SLC16A7: variants seen among roughly 807,000 people sequenced by gnomAD.
SLC16A7 encodes solute carrier family 16 member 7, also known as monocarboxylate transporter 2.
Under a neutral mutation model 34.9 loss-of-function variants are expected in SLC16A7, and 33 were observed. That is an observed-to-expected ratio of 0.94 (90% confidence interval 0.72 to 1.26). The LOEUF (loss-of-function observed/expected upper bound fraction) is 1.26, where lower values mean the gene tolerates loss of function less well. SLC16A7 is among the 50% of genes most tolerant of loss of function. SLC16A7 has a pLI of 0.00. For missense variants in SLC16A7, 573 were observed against 578.1 expected, an observed-to-expected ratio of 0.99 and a Z score of 0.09; for synonymous variants, 201 against 206.6, an observed-to-expected ratio of 0.97 and a Z score of 0.23.
intron 1 of SLC16A7, among the ~76,000 whole-genome samples, chr12:59,643,975 C>T (rs1880795111): frequency 6.6e-6 from 1 of 151,992 alleles, no homozygotes; most frequent in African/African-American, 2.4e-5. Context: ...CTTAGGTTAC[C>T]CTTTAAAAAA....
intron 2 of SLC16A7, among the ~76,000 whole-genome samples, chr12:59,660,429 T>A (rs1202297089): frequency 6.6e-6 from 1 of 152,042 alleles, no homozygotes; most frequent in Non-Finnish European, 1.5e-5. Flanking sequence ...CATATAATTT[T>A]ACATTGCTTT....
intron 2 of SLC16A7, among the ~76,000 whole-genome samples, chr12:59,656,677 T>G (rs1309939140): frequency 6.6e-6 from 1 of 151,996 alleles, no homozygotes; most frequent in Non-Finnish European, 1.5e-5. Flanking sequence ...AGCTCAACAC[T>G]GTGAAATTAC....
intron 2 of SLC16A7, among the ~76,000 whole-genome samples, chr12:59,684,762 A>C (rs1313976023): frequency 1.3e-5 from 2 of 152,152 alleles, no homozygotes; most frequent in Non-Finnish European, 2.9e-5. Flanking sequence ...TTAAACAATA[A>C]AATAATTTAA....
intron 1 of SLC16A7, among the ~76,000 whole-genome samples, chr12:59,646,819 C>T (rs940123454): frequency 6.6e-6 from 1 of 152,202 alleles, no homozygotes; most frequent in African/African-American, 2.4e-5. Flanking sequence ...GAGCTCACTT[C>T]TTGCATCATT....
chr12:59,630,652 T>A (rs2136993319), intron 1 of SLC16A7, among the ~76,000 whole-genome samples: 1 of 151,946 alleles, frequency 6.6e-6, no homozygotes, highest in East Asian at 1.9e-4. Flanking sequence ...CCTATCGTAG[T>A]AGCTCTGAGA....
intron 1 of SLC16A7, among the ~76,000 whole-genome samples, chr12:59,646,809 G>T (rs1296134641): frequency 6.6e-6 from 1 of 152,158 alleles, no homozygotes; most frequent in South Asian, 2.1e-4. Flanking sequence ...AAGGCCATGG[G>T]AGCTCACTTC....
At chr12:59,685,574 A>G (rs1256968924) in intron 2 of SLC16A7, among the ~76,000 whole-genome samples, 1 of 152,150 alleles carries the variant, frequency 6.6e-6, no homozygotes, top group African/African-American at 2.4e-5. Flanking sequence ...ATTGATCATG[A>G]TATTTTTATC....
At chr12:59,768,224 T>G in intron 3 of SLC16A7, 1 of 455,328 alleles carries the variant, frequency 2.2e-6, no homozygotes, top group African/African-American at 2.0e-5. Flanking sequence ...GATCATTCAC[T>G]GTTATGGGAG....
At chr12:59,731,735 A>C (rs1481936425) in intron 3 of SLC16A7, among the ~76,000 whole-genome samples, 1 of 152,184 alleles carries the variant, frequency 6.6e-6, no homozygotes, top group Non-Finnish European at 1.5e-5. Context: ...ACCAACAAGG[A>C]AAAATGCTCT....
intron 2 of SLC16A7, among the ~76,000 whole-genome samples, chr12:59,704,235 A>AT (rs1164858022): frequency 6.7e-6 from 1 of 148,362 alleles, no homozygotes; most frequent in Non-Finnish European, 1.5e-5. Flanking sequence ...GAAAAAAAAA[A>AT]GAAAAAGAAA....
intron 3 of SLC16A7, among the ~76,000 whole-genome samples, chr12:59,709,913 C>T (rs1874025614): frequency 6.6e-6 from 1 of 151,536 alleles, no homozygotes; most frequent in Admixed American, 6.6e-5. Flanking sequence ...GACATCTGTC[C>T]CTCTGGACAC....
intron 4 of SLC16A7, among the ~76,000 whole-genome samples, chr12:59,773,751 G>C (rs113276242): frequency 0.04 from 6,010 of 152,136 alleles, 388 homozygotes; most frequent in African/African-American, 0.14. Context: ...TTTTAGTAGA[G>C]ACGGGGTTTC....
chr12:59,754,493 A>T (rs971077176), intron 3 of SLC16A7, among the ~76,000 whole-genome samples: 1 of 152,186 alleles, frequency 6.6e-6, no homozygotes, highest in African/African-American at 2.4e-5. Context: ...ACGCAAATAA[A>T]CTAGAAAATC....
At chr12:59,624,746 G>T (rs1476874031) in intron 1 of SLC16A7, among the ~76,000 whole-genome samples, 1 of 150,900 alleles carries the variant, frequency 6.6e-6, no homozygotes, top group Admixed American at 6.6e-5. Context: ...AGTTGTGTGT[G>T]TGTGTGTGTG....
At chr12:59,633,056 T>A (rs1040312802) in intron 1 of SLC16A7, among the ~76,000 whole-genome samples, 2 of 152,036 alleles carry the variant, frequency 1.3e-5, no homozygotes, top group Admixed American at 1.3e-4. Context: ...AATTCTGATG[T>A]TCATCCGGGG....
chr12:59,614,806 G>A (rs1209036847), intron 1 of SLC16A7, among the ~76,000 whole-genome samples: 3 of 120,900 alleles, frequency 2.5e-5, no homozygotes, highest in Middle Eastern at 5.7e-3. Context: ...GGCTAACATG[G>A]TCAAACCCCA....
chr12:59,779,335 A>G (rs1170800428), intron 5 of SLC16A7, 88 bp from the exon 6 acceptor site: 1 of 1,003,134 alleles, frequency 1.0e-6, no homozygotes, highest in African/African-American at 1.6e-5. Context: ...AATAAGAGGA[A>G]TATACTTTGA....
At chr12:59,746,350 G>T (rs1242754689) in intron 3 of SLC16A7, among the ~76,000 whole-genome samples, 1 of 152,096 alleles carries the variant, frequency 6.6e-6, no homozygotes, top group Non-Finnish European at 1.5e-5. Flanking sequence ...TTATTTCAGG[G>T]CATGAATTAA....
chr12:59,609,818 G>T (rs1879112264), intron 1 of SLC16A7, among the ~76,000 whole-genome samples: 1 of 152,096 alleles, frequency 6.6e-6, no homozygotes, highest in Middle Eastern at 3.4e-3. Context: ...TGATTTTTTG[G>T]TACTCTCTTG....
Sources: allele counts gnomAD v4.1 joint callset (sites outside exome capture counted in the v4.1 genomes callset), GRCh38; gene constraint gnomAD v4.1.1; transcripts MANE v1.5; gene names NCBI Gene and HGNC (gene_info 2026-07-23, HGNC 2026-07-21).